LRRC2: variants seen among roughly 807,000 people sequenced by gnomAD.
LRRC2 encodes leucine rich repeat containing 2.
In LRRC2, 27 loss-of-function variants were observed where a neutral mutation model predicts 40.2. The observed-to-expected ratio is 0.67, with a 90% CI of 0.49 to 0.93. The LOEUF (loss-of-function observed/expected upper bound fraction) is 0.93. Among genes scored for constraint, LRRC2 ranks in the 40% least tolerant of loss-of-function variants. The probability of loss-of-function intolerance (pLI) is 0.00; values close to 1 mark genes in which losing one functional copy is unlikely to be tolerated. For missense variants in LRRC2, 402 were observed against 439.6 expected (o/e 0.91, Z 0.76); for synonymous variants, 147 against 158.9 (o/e 0.92, Z 0.56).
chr3:46,562,330 T>A (rs1337574495), intron 1 of LRRC2, among the ~76,000 whole-genome samples: 1 of 152,194 alleles, frequency 6.6e-6, no homozygotes, highest in Non-Finnish European at 1.5e-5. Context: ...AGCCTTCAGA[T>A]GACGGCAGCC....
intron 2 of LRRC2, among the ~76,000 whole-genome samples, chr3:46,550,377 CTTTT>C (rs34602158): frequency 3.6e-5 from 3 of 84,006 alleles, no homozygotes; most frequent in Admixed American, 1.6e-4. Context: ...CCTTACACAT[CTTTT>C]TTTTTTTTTT....
In LRRC2 at chr3:46,551,529, G is replaced by T; in HGVS notation, c.63C>A (p.Val21=). 1 of 1,614,090 alleles carries T rather than the reference G, an allele frequency of 6.2e-7. No individual in the cohort carries two copies. ...TCTTCTGCCAAGCTTTGTGCTTCTT[G>T]ACACGAGTTTCCCACAAGGCTCTGA... ...SVIRALWETR[V]KKHKAWQKKE... is the part of the protein sequence containing the mutation. The change falls in exon 2 of 9, where the codon GTC becomes GTA. Residue 21 remains valine, a synonymous_variant. Transcript: ENST00000395905.
At chr3:46,519,145 A>ATT in intron 8 of LRRC2, 82 bp from the exon 9 acceptor site, 18 of 882,750 alleles carry the variant, frequency 2.0e-5, no homozygotes, top group Non-Finnish European at 3.5e-5. Flanking sequence ...ATACATAATG[A>ATT]ATGTATGTCA....
At chr3:46,540,790 G>C (rs1040677127) in intron 3 of LRRC2, among the ~76,000 whole-genome samples, 1 of 152,258 alleles carries the variant, frequency 6.6e-6, no homozygotes, top group East Asian at 1.9e-4. Flanking sequence ...TCGTGGCCCT[G>C]GCAAACTGTC....
At chr3:46,543,650 A>AAT (rs1237863381) in intron 3 of LRRC2, among the ~76,000 whole-genome samples, 1,040 of 46,318 alleles carry the variant, frequency 0.022, 7 homozygotes, top group South Asian at 0.064. Flanking sequence ...TAATAATAAT[A>AAT]AATAATAAAT....
At chr3:46,556,532 G>A (rs2107050677) in intron 1 of LRRC2, among the ~76,000 whole-genome samples, 1 of 143,240 alleles carries the variant, frequency 7.0e-6, no homozygotes, top group African/African-American at 2.6e-5. Flanking sequence ...TAATCACTTG[G>A]TTTATATCTT....
chr3:46,533,835 C>T, intron 4 of LRRC2, among the ~76,000 whole-genome samples: 1 of 116,826 alleles, frequency 8.6e-6, no homozygotes, highest in South Asian at 3.1e-4. Context: ...CTCTCTCTGC[C>T]TGTCTTTCTT....
intron 2 of LRRC2, 106 bp from the exon 3 acceptor site, chr3:46,545,359 C>T (rs778285999): frequency 3.5e-5 from 33 of 930,476 alleles, no homozygotes; most frequent in African/African-American, 6.5e-5. Context: ...TTGTCATTCC[C>T]AGGCCTACGT....
chr3:46,527,143 A>G (rs1704073583), intron 7 of LRRC2, among the ~76,000 whole-genome samples: 2 of 152,226 alleles, frequency 1.3e-5, no homozygotes, highest in Admixed American at 6.5e-5. Flanking sequence ...CAGCGATGTG[A>G]GCACTGAGCA....
chr3:46,522,759 T>C (rs1424697480), intron 7 of LRRC2, among the ~76,000 whole-genome samples: 1 of 80,378 alleles, frequency 1.2e-5, no homozygotes, highest in Non-Finnish European at 2.6e-5. Context: ...GAACTACTGC[T>C]AACACACACA....
chr3:46,561,063 T>A (rs1398707932), intron 1 of LRRC2, among the ~76,000 whole-genome samples: 2 of 152,062 alleles, frequency 1.3e-5, no homozygotes, highest in Non-Finnish European at 2.9e-5. Context: ...TAAGCAAAAT[T>A]GAAGATATAT....
chr3:46,529,186 C>T (rs1451379061), intron 6 of LRRC2, among the ~76,000 whole-genome samples: 1 of 152,058 alleles, frequency 6.6e-6, no homozygotes, highest in Admixed American at 6.6e-5. Flanking sequence ...AAACCCATCC[C>T]GTTCTCTAGG....
intron 1 of LRRC2, among the ~76,000 whole-genome samples, chr3:46,563,710 C>T (rs1027056175): frequency 4.6e-5 from 7 of 152,214 alleles, no homozygotes; most frequent in African/African-American, 1.7e-4. Context: ...AAGCCATAGA[C>T]GAGCCACAGT....
chr3:46,539,059 A>C lies in LRRC2; in HGVS notation c.476T>G (p.Leu159Arg). The C allele has an allele frequency of 6.2e-7, 1 of 1,613,764 alleles. No individual in the cohort carries two copies. The highest frequency in any genetic ancestry group is 8.5e-7 in the Non-Finnish European group (1 of 1,179,868). The part of the protein sequence containing the change: ...LDLPKNQISH[L>R]PAEIGCLKNL... ...AGTTGACATACCGATTTCTGCTGGAAGATGTGAGATTTGGTTTTTTGGCAG... is the reference window on the plus strand; with the variant it reads ...AGTTGACATACCGATTTCTGCTGGACGATGTGAGATTTGGTTTTTTGGCAG... The change falls in exon 4 of 9, where the codon CTT becomes CGT. Residue 159 changes from leucine (L) to arginine (R), a missense_variant. By Grantham distance (102) the Leu-to-Arg change is moderately radical. Transcript: ENST00000395905.
chr3:46,553,370 T>G (rs2107043234), intron 1 of LRRC2, among the ~76,000 whole-genome samples: 1 of 152,338 alleles, frequency 6.6e-6, no homozygotes, highest in Non-Finnish European at 1.5e-5. Context: ...TGCTAAATAG[T>G]AGGGCTGGTG....
At chr3:46,528,822 A>G (rs1704108550) in intron 6 of LRRC2, among the ~76,000 whole-genome samples, 1 of 152,254 alleles carries the variant, frequency 6.6e-6, no homozygotes, top group African/African-American at 2.4e-5. Context: ...TTTATAAAAA[A>G]GATTGTAGGC....
intron 4 of LRRC2, among the ~76,000 whole-genome samples, chr3:46,533,744 TCCTTCTTC>T (rs1201461604): frequency 6.2e-5 from 5 of 80,946 alleles, no homozygotes; most frequent in African/African-American, 2.6e-4. Context: ...CTTCCTTCCT[TCCTTCTTC>T]CTTCCCTCCC....
intron 5 of LRRC2, among the ~76,000 whole-genome samples, chr3:46,530,889 C>T (rs530462455): frequency 6.6e-6 from 1 of 152,234 alleles, no homozygotes; most frequent in African/African-American, 2.4e-5. Flanking sequence ...AACCATATCA[C>T]CATATCATCA....
chr3:46,552,519 G>A (rs909850528), intron 1 of LRRC2, among the ~76,000 whole-genome samples: 5 of 151,996 alleles, frequency 3.3e-5, no homozygotes, highest in South Asian at 2.1e-4. Flanking sequence ...ACGTAACAGC[G>A]ACTTTCTTCC....
Sources: allele counts gnomAD v4.1 joint callset (sites outside exome capture counted in the v4.1 genomes callset), GRCh38; gene constraint gnomAD v4.1.1; transcripts MANE v1.5; gene names NCBI Gene and HGNC (gene_info 2026-07-23, HGNC 2026-07-21).